PPAT: variants seen among roughly 807,000 people sequenced by gnomAD.
PPAT encodes the protein phosphoribosyl pyrophosphate amidotransferase, also known as amidophosphoribosyltransferase.
Under a neutral mutation model 60.2 loss-of-function variants are expected in PPAT, and 20 were observed. The observed-to-expected ratio is 0.33, with a 90% confidence interval of 0.23 to 0.48. The LOEUF (loss-of-function observed/expected upper bound fraction) is 0.48, where lower values mean the gene tolerates loss of function less well. Ranked by LOEUF, PPAT falls within the 20% of genes least tolerant of loss-of-function variation. The probability of loss-of-function intolerance (pLI) is 0.99; values close to 1 mark genes in which losing one functional copy is unlikely to be tolerated. For synonymous variants in PPAT, 194 were observed against 215.1 expected, an observed-to-expected ratio of 0.90 and a Z score of 0.86; for missense variants, 349 against 629.6, an observed-to-expected ratio of 0.55 and a Z score of 4.77.
In PPAT at chr4:56,435,399, G is replaced by T; in HGVS notation, c.79C>A (p.Leu27Met). 6.2e-7 allele frequency: 1 copy of T among 1,613,778 alleles called. No individual in the cohort carries two copies. ...AGAGTGATCACATGCGGTACATCCA[G>T]CTGCGTGGGCCACTCTCCTGAGGCG... is the stretch of plus-strand genomic sequence containing the variant. ...CIASGEWPTQLDVPHVITLGL... is the reference protein window; with the variant it reads ...CIASGEWPTQMDVPHVITLGL... Residue 27 changes from leucine to methionine, a missense_variant, in exon 1 of 11, where the codon CTG becomes ATG. Transcript: ENST00000264220.
intron 3 of PPAT, among the ~76,000 whole-genome samples, chr4:56,403,764 C>A (rs372350535): frequency 1.3e-5 from 2 of 152,302 alleles, no homozygotes; most frequent in East Asian, 3.9e-4. Flanking sequence ...ACAGTCCCAT[C>A]TGGGGGTGAT....
At chr4:56,410,809 T>C (rs980760298) in intron 1 of PPAT, 12 of 979,014 alleles carry the variant, frequency 1.2e-5, no homozygotes, top group Non-Finnish European at 1.3e-5. Context: ...TCCTGCAGTA[T>C]GAACCTGCCA....
intron 1 of PPAT, among the ~76,000 whole-genome samples, chr4:56,416,941 C>T (rs1187345630): frequency 1.3e-5 from 2 of 152,170 alleles, no homozygotes; most frequent in East Asian, 1.9e-4. Context: ...CCTCTGCCTC[C>T]GGGGTTCAAG....
chr4:56,419,286 C>T (rs115397259), intron 1 of PPAT, among the ~76,000 whole-genome samples: 4,054 of 152,152 alleles, frequency 0.027, 195 homozygotes, highest in African/African-American at 0.092. Context: ...GTAAATGCTA[C>T]ACATTTATAT....
intron 1 of PPAT, chr4:56,408,016 C>T (rs1047378820): frequency 7.2e-6 from 2 of 278,130 alleles, no homozygotes; most frequent in African/African-American, 4.3e-5. Context: ...CCCAAATATA[C>T]TTTAGGCCTT....
chr4:56,394,536 A>C lies in PPAT; in HGVS notation c.*816T>G, dbSNP rs907132266. Reference sequence around the variant, plus strand: ...CTGAGCTTATAGTATCAGGGCACTAAATACTATGGATCACATTTTCTAGTC... The same window carrying C: ...CTGAGCTTATAGTATCAGGGCACTACATACTATGGATCACATTTTCTAGTC... On this transcript the variant is annotated 3_prime_UTR_variant, in exon 11 of 11. Coordinates refer to ENST00000264220, the MANE Select transcript of PPAT (RefSeq NM_002703.5). The C allele has an allele frequency of 1.3e-5, 2 of 152,172 alleles. No homozygotes were observed. Among genetic ancestry groups the C allele is most frequent in the African/African-American group, 4.8e-5 (2 of 41,432 alleles). The allele number at this position is 152,172 out of a possible 1,614,324, so 9.4% of individuals were successfully genotyped here.
Position 56,403,235 on chromosome 4 carries a change from C to G in PPAT, c.516-50G>C, listed in dbSNP as rs754984805. Reference sequence around the variant, plus strand: ...GAATAACTTCAGTTATAAACATATGCAAGGCAAAACTCTCCTTACTAGAGC... The same window carrying G: ...GAATAACTTCAGTTATAAACATATGGAAGGCAAAACTCTCCTTACTAGAGC... On this transcript the variant is annotated intron_variant, in intron 4 of 10. Transcript: ENST00000264220. 3 of 1,596,694 alleles carry G rather than the reference C, an allele frequency of 1.9e-6. No individual in the cohort carries two copies. In the South Asian group the frequency reaches 3.3e-5, roughly 18 times the overall value.
At chr4:56,406,187 A>G (rs1424903332) in intron 3 of PPAT, among the ~76,000 whole-genome samples, 1 of 152,238 alleles carries the variant, frequency 6.6e-6, no homozygotes, top group East Asian at 1.9e-4. Flanking sequence ...TTAAAGAGAT[A>G]GCAAGTCCAT....
chr4:56,395,615 G>T, intron 10 of PPAT, 67 bp from the exon 11 acceptor site: 1 of 1,146,778 alleles, frequency 8.7e-7, no homozygotes. Flanking sequence ...CGCGTCAACA[G>T]AGAATAGTTA....
intron 1 of PPAT, among the ~76,000 whole-genome samples, chr4:56,427,910 T>C (rs1243976795): frequency 6.6e-6 from 1 of 152,170 alleles, no homozygotes; most frequent in Non-Finnish European, 1.5e-5. Context: ...ATACCTGAGT[T>C]GGTAGAGAAT....
Position 56,410,723 on chromosome 4 carries a change from T to C in PPAT, c.129-3007A>G, listed in dbSNP as rs957053577. 14 of 986,450 alleles carry C rather than the reference T, an allele frequency of 1.4e-5. No individual in the cohort carries two copies. In the South Asian group the frequency reaches 4.7e-4, roughly 33 times the overall value. 61.1% of individuals were successfully genotyped at this position (986,450 alleles called of 1,614,324 possible). A position where few individuals can be genotyped will look rare whatever the true frequency, so the allele number is the denominator to read the frequency against. On this transcript the variant is annotated intron_variant, in intron 1 of 10. Transcript: ENST00000264220. ...TAAGTACAAAAATCTCAAATATGAATATAGAACAGTTAAATATGCCCATAA... is the reference window on the plus strand; with the variant it reads ...TAAGTACAAAAATCTCAAATATGAACATAGAACAGTTAAATATGCCCATAA...
chr4:56,395,962 T>C (rs1715958503), intron 10 of PPAT, among the ~76,000 whole-genome samples: 1 of 152,184 alleles, frequency 6.6e-6, no homozygotes, highest in Admixed American at 6.5e-5. Context: ...TTTATGATAA[T>C]ATAGATAATA....
intron 1 of PPAT, among the ~76,000 whole-genome samples, chr4:56,419,289 A>C (rs1405788466): frequency 6.6e-6 from 1 of 152,214 alleles, no homozygotes; most frequent in Non-Finnish European, 1.5e-5. Flanking sequence ...AATGCTACAC[A>C]TTTATATATT....
Position 56,399,177 on chromosome 4 carries a change from A to G in PPAT, c.1236+2T>C. On this transcript the variant is annotated splice_donor_variant, in intron 9 of 10. Coordinates refer to ENST00000264220, the MANE Select transcript of PPAT (RefSeq NM_002703.5). LOFTEE classifies it high-confidence loss of function. The stretch of plus-strand genomic sequence containing the variant: ...TTTAGGATATGTTTTAATATTACTT[A>G]CCTCTTTTGCACCAGATTCTTTGAG... 5 of 1,599,154 alleles carry G rather than the reference A, an allele frequency of 3.1e-6. No homozygotes were observed. Among genetic ancestry groups the G allele is most frequent in the Non-Finnish European group, 4.3e-6 (5 of 1,166,636 alleles).
chr4:56,418,682 GA>G (rs1305052646), intron 1 of PPAT, among the ~76,000 whole-genome samples: 1 of 151,992 alleles, frequency 6.6e-6, no homozygotes, highest in African/African-American at 2.4e-5. Flanking sequence ...AAAACACAAA[GA>G]CCAAAGTTAA....
At chr4:56,397,736 A>T (rs993140407) in intron 9 of PPAT, among the ~76,000 whole-genome samples, 2 of 152,018 alleles carry the variant, frequency 1.3e-5, no homozygotes, top group Non-Finnish European at 2.9e-5. Flanking sequence ...ATTAAAAAAA[A>T]ATTTTTTTCA....
rs762500968 is a variant in PPAT, at chr4:56,395,526, C to G, written c.1380G>C (p.Leu460=). The G allele has an allele frequency of 6.3e-7, 1 of 1,592,908 alleles. No individual in the cohort carries two copies. The stretch of plus-strand genomic sequence containing the variant: ...CAGATGAAACCAGTCCTTCTACTGA[C>G]AGATACACAACACTGTTTGCTCCTA... ...EYLGANSVVY[L]SVEGLVSSVQ... Residue 460 remains leucine (L), a synonymous_variant, in exon 11 of 11, where the codon CTG becomes CTC. Transcript: ENST00000264220.
intron 3 of PPAT, chr4:56,403,923 A>G: frequency 2.9e-6 from 1 of 348,456 alleles, no homozygotes; most frequent in Non-Finnish European, 5.8e-6. Flanking sequence ...GACAGAGCTC[A>G]GGTGGTAATA....
chr4:56,396,008 A>G lies in PPAT; in HGVS notation c.1358-460T>C, dbSNP rs1048748040. Among the ~76,000 whole-genome samples, 1 of 152,220 alleles carries G rather than the reference A, an allele frequency of 6.6e-6. No homozygotes were observed. The highest frequency in any genetic ancestry group is 2.4e-5 in the African/African-American group (1 of 41,450). On this transcript the variant is annotated intron_variant, in intron 10 of 10. Transcript: ENST00000264220. The surrounding 1 kb of genome is among the most constrained non-coding windows in gnomAD (Gnocchi z 4.6). ...AGTTTCTGGCAAAGTGTGAGTGCTT[A>G]TAACATGTATGACACCCATCAGGGT...
Sources: gnomAD v4.1 joint callset for allele counts (sites outside exome capture counted in the v4.1 genomes callset) on GRCh38, gnomAD v4.1.1 for gene constraint, Gnocchi (gnomAD v3.1) non-coding constraint, MANE v1.5 for transcripts, NCBI Gene and HGNC (gene_info 2026-07-23, HGNC 2026-07-21) for gene names.